The following FGF12 variants were observed in gnomAD, a reference collection of about 807,000 sequenced individuals.
FGF12 encodes fibroblast growth factor 12.
Under a neutral mutation model 23.6 loss-of-function variants are expected in FGF12, and 14 were observed. The ratio of observed to expected loss-of-function variants is 0.59; its 90% CI spans 0.39 to 0.93. The LOEUF (loss-of-function observed/expected upper bound fraction) is 0.93. Among genes scored for constraint, FGF12 ranks in the 40% least tolerant of loss-of-function variants. The pLI is 0.00. For missense variants in FGF12, 175 were observed against 217.8 expected, an observed-to-expected ratio of 0.80 and a Z score of 1.24; for synonymous variants, 62 against 77.3, an observed-to-expected ratio of 0.80 and a Z score of 1.04.
intron 4 of FGF12, among the ~76,000 whole-genome samples, chr3:192,326,188 C>T (rs1716811741): frequency 6.6e-6 from 1 of 152,040 alleles, no homozygotes; most frequent in Non-Finnish European, 1.5e-5. Flanking sequence ...ATATAAAAAG[C>T]ATTAAGAACA....
intron 4 of FGF12, among the ~76,000 whole-genome samples, chr3:192,293,990 C>T (rs1215067664): frequency 6.6e-6 from 1 of 152,034 alleles, no homozygotes; most frequent in Non-Finnish European, 1.5e-5. Context: ...TTGTGGGAGG[C>T]ACCTGGTGGG....
intron 4 of FGF12, among the ~76,000 whole-genome samples, chr3:192,334,344 T>C (rs1037445568): frequency 6.6e-6 from 1 of 152,106 alleles, no homozygotes; most frequent in African/African-American, 2.4e-5. Context: ...TGGAAGAGCC[T>C]AATGAAAATT....
At chr3:192,223,962 G>C (rs1005835779) in intron 4 of FGF12, among the ~76,000 whole-genome samples, 6 of 152,090 alleles carry the variant, frequency 3.9e-5, no homozygotes, top group Admixed American at 2.6e-4. Context: ...AAAGTGTATA[G>C]AGTGAGTTGT....
intron 4 of FGF12, among the ~76,000 whole-genome samples, chr3:192,180,470 A>G (rs1197787318): frequency 1.3e-5 from 2 of 152,192 alleles, no homozygotes; most frequent in African/African-American, 4.8e-5. Flanking sequence ...GTGTCCCACT[A>G]TGACTGAACA....
chr3:192,456,857 T>G (rs1446022872), intron 2 of FGF12, among the ~76,000 whole-genome samples: 1 of 152,168 alleles, frequency 6.6e-6, no homozygotes, highest in African/African-American at 2.4e-5. Context: ...CTCTTCTAGA[T>G]TATAACATAA....
chr3:192,408,711 G>T lies in FGF12; in HGVS notation c.14-48173C>A. The T allele has an allele frequency of 1.0e-6, 1 of 987,718 alleles. No individual in the cohort carries two copies. The highest frequency in any genetic ancestry group is 1.2e-6 in the Non-Finnish European group (1 of 831,646). The allele number at this position is 987,718 out of a possible 1,614,324, so 61.2% of individuals were successfully genotyped here. A position where few individuals can be genotyped will look rare whatever the true frequency, so the allele number is the denominator to read the frequency against. ...ATAGAAAACCCGTTTACAAAGCAGA[G>T]TCTGGACCCAGGCGGGTAGCGCGCC... On this transcript the variant is annotated intron_variant, in intron 2 of 5. Transcript: ENST00000445105. The surrounding 1 kb of genome is among the most constrained non-coding windows in gnomAD (Gnocchi z 7.3).
At chr3:192,482,620 C>T (rs979118770) in intron 2 of FGF12, among the ~76,000 whole-genome samples, 1 of 152,056 alleles carries the variant, frequency 6.6e-6, no homozygotes, top group Non-Finnish European at 1.5e-5. Context: ...GGCAACAAAA[C>T]GGGATTCCGT....
intron 2 of FGF12, among the ~76,000 whole-genome samples, chr3:192,477,626 A>C (rs1435577968): frequency 6.6e-6 from 1 of 152,156 alleles, no homozygotes; most frequent in African/African-American, 2.4e-5. Context: ...CAGCTATTGA[A>C]ATGGAGAATG....
chr3:192,600,360 T>G (rs1714063448), intron 2 of FGF12, among the ~76,000 whole-genome samples: 1 of 152,032 alleles, frequency 6.6e-6, no homozygotes, highest in Admixed American at 6.6e-5. Flanking sequence ...CTCAGAATCG[T>G]TTTGGCTATT....
intron 4 of FGF12, among the ~76,000 whole-genome samples, chr3:192,186,014 A>T (rs944515083): frequency 6.6e-6 from 1 of 152,234 alleles, no homozygotes; most frequent in African/African-American, 2.4e-5. Context: ...AGCCTATAAT[A>T]TGAGAGAATA....
intron 2 of FGF12, among the ~76,000 whole-genome samples, chr3:192,616,547 G>A (rs1714761556): frequency 6.6e-6 from 1 of 151,948 alleles, no homozygotes; most frequent in Non-Finnish European, 1.5e-5. Context: ...GTTGTTTGAA[G>A]AGTTCTCAGC....
chr3:192,609,813 C>T (rs1165420533), intron 2 of FGF12, among the ~76,000 whole-genome samples: 1 of 152,050 alleles, frequency 6.6e-6, no homozygotes, highest in African/African-American at 2.4e-5. Context: ...ATATCAGGCA[C>T]AAACCTAGGC....
chr3:192,376,367 T>C (rs1719502386), intron 2 of FGF12, among the ~76,000 whole-genome samples: 1 of 151,808 alleles, frequency 6.6e-6, no homozygotes, highest in Non-Finnish European at 1.5e-5. Context: ...TTTATTTTTA[T>C]TTTTATTTTT....
chr3:192,542,757 C>A (rs1023087772), intron 2 of FGF12, among the ~76,000 whole-genome samples: 1 of 152,004 alleles, frequency 6.6e-6, no homozygotes, highest in Admixed American at 6.5e-5. Flanking sequence ...ATGGTTCTTG[C>A]AGACTTATAG....
Position 192,409,137 on chromosome 3 carries a change from A to T in FGF12, c.14-48599T>A. 3.7e-6 allele frequency: 1 copy of T among 269,940 alleles called. No homozygotes were observed. The highest frequency in any genetic ancestry group is 5.7e-6 in the Non-Finnish European group (1 of 175,496). The allele number at this position is 269,940 out of a possible 1,614,324, so 16.7% of individuals were successfully genotyped here. Reference sequence around the variant, plus strand: ...GCCAAGCACCCCTCGGGGAGAAACCAGCGAGAGGCGATCTGCGGGGTCCCA... The same window carrying T: ...GCCAAGCACCCCTCGGGGAGAAACCTGCGAGAGGCGATCTGCGGGGTCCCA... On this transcript the variant is annotated intron_variant, in intron 2 of 5. Coordinates refer to ENST00000445105, the MANE Select transcript of FGF12 (RefSeq NM_004113.6). The surrounding 1 kb of genome is among the most constrained non-coding windows in gnomAD (Gnocchi z 4.8).
chr3:192,206,216 T>C (rs1405379671), intron 4 of FGF12, among the ~76,000 whole-genome samples: 3 of 152,120 alleles, frequency 2.0e-5, no homozygotes, highest in Non-Finnish European at 4.4e-5. Context: ...AACTGAAGGC[T>C]CTAGGCCCAG....
At chr3:192,385,662 T>C (rs1186100601) in intron 2 of FGF12, among the ~76,000 whole-genome samples, 14 of 141,986 alleles carry the variant, frequency 9.9e-5, no homozygotes, top group Non-Finnish European at 9.3e-5. Context: ...CCATAGTTTA[T>C]ATGTCCAAGC....
intron 2 of FGF12, among the ~76,000 whole-genome samples, chr3:192,482,930 C>T (rs1476072527): frequency 6.6e-6 from 1 of 152,114 alleles, no homozygotes; most frequent in African/African-American, 2.4e-5. Context: ...TGATTCATTT[C>T]CTTGTTCGAG....
At chr3:192,166,678 G>T (rs192955111) in intron 5 of FGF12, among the ~76,000 whole-genome samples, 1 of 152,334 alleles carries the variant, frequency 6.6e-6, no homozygotes, top group Admixed American at 6.5e-5. Flanking sequence ...GAAAGTAAGA[G>T]ACAGTAATTG....
Sources: gnomAD v4.1 joint callset for allele counts (sites outside exome capture counted in the v4.1 genomes callset) on GRCh38, gnomAD v4.1.1 for gene constraint, Gnocchi (gnomAD v3.1) non-coding constraint, MANE v1.5 for transcripts, NCBI Gene and HGNC (gene_info 2026-07-23, HGNC 2026-07-21) for gene names.